The following CAMK2B variants were observed in gnomAD, a reference collection of about 807,000 sequenced individuals.
CAMK2B encodes calcium/calmodulin dependent protein kinase II beta, also known as calcium/calmodulin-dependent protein kinase type II subunit beta.
A neutral mutation model predicts 93.7 loss-of-function variants in CAMK2B; 27 were observed. The observed-to-expected ratio is 0.29, with a 90% CI of 0.21 to 0.40. CAMK2B has a LOEUF of 0.40. Ranked by LOEUF, CAMK2B falls within the 10% of genes least tolerant of loss-of-function variation. The pLI is 1.00. For missense variants in CAMK2B, 568 were observed against 895.8 expected (o/e 0.63, Z 4.67); for synonymous variants, 374 against 358.8 (o/e 1.04, Z -0.48).
chr7:44,220,287 G>A lies in CAMK2B; in HGVS notation c.1776C>T (p.Ala592=), dbSNP rs1279697305. The stretch of plus-strand genomic sequence containing the variant: ...TCGTGTGGATCGGCTTGCTGTTCTT[G>A]GCCAGCACTGTGGACAGCAGGCGGG... The part of the protein sequence containing the change: ...FHRFYFENLL[A]KNSKPIHTTI... Residue 592 remains alanine, a synonymous_variant, in exon 23 of 24, where the codon GCC becomes GCT. Coordinates refer to ENST00000395749, the MANE Select transcript of CAMK2B (RefSeq NM_001220.5). The A allele has an allele frequency of 6.8e-6, 11 of 1,612,040 alleles. 1 individual carries two copies. In the East Asian group the frequency reaches 2.5e-4, roughly 36 times the overall value.
rs1276388737 is a variant in CAMK2B, at chr7:44,313,612, AAAGT to A, written c.65+11741_65+11744del. ...CGGAACCCTCAGTCACACAGCCCTG[AAAGT>A]AAGGTGGTACAGACGGCATCTTCCC... is the stretch of plus-strand genomic sequence containing the variant. On this transcript the variant is annotated intron_variant, in intron 1 of 23. Coordinates refer to ENST00000395749, the MANE Select transcript of CAMK2B (RefSeq NM_001220.5). Among the ~76,000 whole-genome samples, 3 of 151,278 alleles carry A rather than the reference AAAGT, an allele frequency of 2.0e-5. No homozygotes were observed. The East Asian group carries it at 5.9e-4, about 30-fold the overall frequency.
At chr7:44,256,720 G>T (rs2096837264) in intron 4 of CAMK2B, among the ~76,000 whole-genome samples, 2 of 152,272 alleles carry the variant, frequency 1.3e-5, no homozygotes, top group African/African-American at 2.4e-5. Context: ...TCTTGAGCCA[G>T]GGCTGCAGCC....
intron 1 of CAMK2B, among the ~76,000 whole-genome samples, chr7:44,309,949 G>A (rs1168560145): frequency 6.6e-6 from 1 of 152,234 alleles, no homozygotes; most frequent in Non-Finnish European, 1.5e-5. Flanking sequence ...GAACCAGGCC[G>A]AGGCCGCGCG....
intron 20 of CAMK2B, 198 bp from the exon 21 acceptor site, chr7:44,221,099 A>C (rs961524605): frequency 1.7e-6 from 1 of 585,056 alleles, no homozygotes; most frequent in Non-Finnish European, 3.0e-6. Context: ...AACAGCTTCC[A>C]TCTTATTTTT....
chr7:44,325,209 C>T (rs1797214096), intron 1 of CAMK2B, 148 bp downstream of exon 1: 3 of 267,798 alleles, frequency 1.1e-5, no homozygotes, highest in Admixed American at 6.7e-5. Flanking sequence ...GGGTCGGGGC[C>T]GCGCGGGGCC....
chr7:44,291,494 C>G (rs933782998), intron 1 of CAMK2B, among the ~76,000 whole-genome samples: 1 of 152,216 alleles, frequency 6.6e-6, no homozygotes, highest in Non-Finnish European at 1.5e-5. Context: ...AGACAAGCAG[C>G]TGGACACACT....
rs1410265636 is a variant in CAMK2B at position 44,224,164 on chromosome 7, C to T, written c.1597+2352G>A. 3.9e-5 allele frequency among the ~76,000 whole-genome samples: 6 copies of T among 152,160 alleles called. No homozygotes were observed. The highest frequency in any genetic ancestry group is 7.2e-5 in the African/African-American group (3 of 41,430). On this transcript the variant is annotated intron_variant, in intron 20 of 23. Transcript: ENST00000395749. The surrounding 1 kb of genome is among the most constrained non-coding windows in gnomAD (Gnocchi z 4.4). ...CAAGAGTGGTAACCGTGCTGAAGTA[C>T]GGGAAGCAGGTCCGTTGTGAGACCC...
rs1167579399 is a variant in CAMK2B, at chr7:44,232,878, G to A, written c.1132-12C>T. On this transcript the variant is annotated splice_polypyrimidine_tract_variant and intron_variant, in intron 15 of 23. Coordinates refer to ENST00000395749, the MANE Select transcript of CAMK2B (RefSeq NM_001220.5). ...GTGGTTTGAGGCTCCTACAGAAGAAGGAAGACACAGAGGAAGGAAAGAGAG... is the reference window on the plus strand; with the variant it reads ...GTGGTTTGAGGCTCCTACAGAAGAAAGAAGACACAGAGGAAGGAAAGAGAG... 1 of 1,612,960 alleles carries A rather than the reference G, an allele frequency of 6.2e-7. No individual in the cohort carries two copies. The highest frequency in any genetic ancestry group is 1.3e-5 in the African/African-American group (1 of 74,888).
intron 4 of CAMK2B, among the ~76,000 whole-genome samples, chr7:44,258,550 C>A (rs1183439569): frequency 6.6e-6 from 1 of 152,262 alleles, no homozygotes; most frequent in Admixed American, 6.5e-5. Context: ...AAGGTGAATG[C>A]AGCTGCTGAC....
chr7:44,273,123 C>T (rs1443418396), intron 2 of CAMK2B, among the ~76,000 whole-genome samples: 2 of 152,166 alleles, frequency 1.3e-5, no homozygotes, highest in African/African-American at 4.8e-5. Flanking sequence ...GGGCACAGCT[C>T]CTGCTTATGC....
In CAMK2B at chr7:44,247,013, C is replaced by T; in HGVS notation, c.414+107G>A. On this transcript the variant is annotated intron_variant, in intron 6 of 23. Coordinates refer to ENST00000395749, the MANE Select transcript of CAMK2B (RefSeq NM_001220.5). ...ACACACACACACATACACCTCACCC[C>T]TCCAAGCTCCACAGTGCCACACACT... 3 of 858,140 alleles carry T rather than the reference C, an allele frequency of 3.5e-6. 1 individual carries two copies. Among genetic ancestry groups the T allele is most frequent in the South Asian group, 3.1e-5 (2 of 63,768 alleles). 53.2% of individuals were successfully genotyped at this position (858,140 alleles called of 1,614,324 possible).
rs2096548461 is a variant in CAMK2B at position 44,228,858 on chromosome 7, G to C, written c.1406C>G (p.Pro469Arg). ...RGSGTPEAEG[P>R]LSAGPPPCLS... ...GCAGGGCGGGGGCCCCGCTGAGAGGGGGCCCTCGGCTTCTGGGGTTCCTGA... is the reference window on the plus strand; with the variant it reads ...GCAGGGCGGGGGCCCCGCTGAGAGGCGGCCCTCGGCTTCTGGGGTTCCTGA... Residue 469 changes from proline to arginine, a missense_variant, in exon 19 of 24, where the codon CCC becomes CGC. Around this residue, in one of 4 missense-constraint regions of CAMK2B, gnomAD observed 308 missense variants for 292.1 expected, o/e 1.05. Coordinates refer to ENST00000395749, the MANE Select transcript of CAMK2B (RefSeq NM_001220.5). 3 of 1,529,852 alleles carry C rather than the reference G, an allele frequency of 2.0e-6. No individual in the cohort carries two copies. Among genetic ancestry groups the C allele is most frequent in the Non-Finnish European group, 2.6e-6 (3 of 1,132,860 alleles). 94.8% of individuals were successfully genotyped at this position (1,529,852 alleles called of 1,614,324 possible).
chr7:44,238,538 A>C (rs1247206197), intron 13 of CAMK2B, among the ~76,000 whole-genome samples: 3 of 152,266 alleles, frequency 2.0e-5, no homozygotes, highest in Non-Finnish European at 2.9e-5. Flanking sequence ...CACTGGGCTC[A>C]TGGGAGGAGA....
At chr7:44,265,181 C>T (rs764440359) in intron 2 of CAMK2B, among the ~76,000 whole-genome samples, 2 of 152,254 alleles carry the variant, frequency 1.3e-5, no homozygotes, top group Non-Finnish European at 2.9e-5. Flanking sequence ...TGCCCCGCCC[C>T]TGCTTCCATA....
intron 4 of CAMK2B, among the ~76,000 whole-genome samples, chr7:44,257,570 G>A (rs991804680): frequency 2.0e-5 from 3 of 152,252 alleles, no homozygotes; most frequent in East Asian, 1.9e-4. Context: ...GAGGTGTGCT[G>A]GGGCACACAG....
chr7:44,325,274 C>CTCGG, intron 1 of CAMK2B, 83 bp downstream of exon 1: 1 of 802,632 alleles, frequency 1.2e-6, no homozygotes, highest in Non-Finnish European at 1.5e-6. Flanking sequence ...CCGCAGTGCG[C>CTCGG]CTGGAGCCGG....
At chr7:44,256,182 G>A (rs1357240621) in intron 4 of CAMK2B, among the ~76,000 whole-genome samples, 1 of 152,148 alleles carries the variant, frequency 6.6e-6, no homozygotes, top group Non-Finnish European at 1.5e-5. Context: ...CCACCACACC[G>A]ACCACAAGGA....
At chr7:44,237,466 CTCAG>C in intron 13 of CAMK2B, among the ~76,000 whole-genome samples, 1 of 152,232 alleles carries the variant, frequency 6.6e-6, no homozygotes, top group Middle Eastern at 3.2e-3. Flanking sequence ...TCCCTGTTGT[CTCAG>C]TCAGTTCCCA....
chr7:44,278,204 G>A (rs1198124920), intron 2 of CAMK2B, among the ~76,000 whole-genome samples: 2 of 152,206 alleles, frequency 1.3e-5, no homozygotes, highest in East Asian at 3.9e-4. Context: ...GGTTGGGTGG[G>A]CCAGACGACA....
Sources: gnomAD v4.1 joint callset for allele counts (sites outside exome capture counted in the v4.1 genomes callset) on GRCh38, gnomAD v4.1.1 for gene constraint, gnomAD v4.1.1 regional missense constraint, Gnocchi (gnomAD v3.1) non-coding constraint, MANE v1.5 for transcripts, NCBI Gene and HGNC (gene_info 2026-07-23, HGNC 2026-07-21) for gene names.